Variants in BCL2L11 observed in about 807,000 individuals in gnomAD.
BCL2L11 encodes BCL2 like 11, also known as bcl-2-like protein 11.
A neutral mutation model predicts 20.6 loss-of-function variants in BCL2L11; 15 were observed. The observed-to-expected ratio is 0.73, with a 90% CI of 0.49 to 1.12. The LOEUF (loss-of-function observed/expected upper bound fraction) is 1.12. Ranked by LOEUF, BCL2L11 falls within the 50% of genes most tolerant of loss-of-function variation. The pLI, the probability that BCL2L11 is intolerant of heterozygous loss-of-function variation, is 0.00. For missense variants in BCL2L11, 292 were observed against 260.9 expected (o/e 1.12, Z -0.82); for synonymous variants, 108 against 92.8 (o/e 1.16, Z -0.94).
rs1326079391 is a variant in BCL2L11, at chr2:111,164,116, T to C, written c.499-17T>C. ...AAATTAGGGAGAAACTAAGAAGCTTTCCTTTTGTTGTTTCAGGTATTTTTG... is the reference window on the plus strand; with the variant it reads ...AAATTAGGGAGAAACTAAGAAGCTTCCCTTTTGTTGTTTCAGGTATTTTTG... On this transcript the variant is annotated splice_polypyrimidine_tract_variant and intron_variant, in intron 3 of 3. Transcript: ENST00000393256. 1 of 1,498,752 alleles carries C rather than the reference T, an allele frequency of 6.7e-7. No homozygotes were observed. The highest frequency in any genetic ancestry group is 9.3e-7 in the Non-Finnish European group (1 of 1,075,544). The allele number at this position is 1,498,752 out of a possible 1,614,324, so 92.8% of individuals were successfully genotyped here. A position where few individuals can be genotyped will look rare whatever the true frequency, so the allele number is the denominator to read the frequency against.
intron 1 of BCL2L11, chr2:111,122,701 C>T (rs1329150409): frequency 3.1e-6 from 3 of 981,672 alleles, no homozygotes; most frequent in Non-Finnish European, 3.6e-6. Context: ...AGAGGCGCGG[C>T]GTGCGGAGCC....
chr2:111,123,642 A>C, intron 1 of BCL2L11, 91 bp from the exon 2 acceptor site: 5 of 1,268,680 alleles, frequency 3.9e-6, no homozygotes, highest in Non-Finnish European at 5.1e-6. Context: ...ATTAACCCTA[A>C]GAATTTTTAA....
intron 3 of BCL2L11, among the ~76,000 whole-genome samples, chr2:111,157,635 C>T (rs1283229599): frequency 6.6e-6 from 1 of 152,176 alleles, no homozygotes; most frequent in Non-Finnish European, 1.5e-5. Context: ...AGAGACCTAC[C>T]AAGTGGAGGG....
At chr2:111,123,478 A>ATG in intron 1 of BCL2L11, 4 of 985,420 alleles carry the variant, frequency 4.1e-6, no homozygotes, top group Non-Finnish European at 3.6e-6. Context: ...CTGGAAACGC[A>ATG]TGTGTGTGTG....
At chr2:111,130,524 C>T (rs1298738809) in intron 2 of BCL2L11, among the ~76,000 whole-genome samples, 2 of 152,130 alleles carry the variant, frequency 1.3e-5, no homozygotes, top group Non-Finnish European at 2.9e-5. Flanking sequence ...CATAGATTTC[C>T]TGGGAGGTCT....
chr2:111,122,533 C>G, intron 1 of BCL2L11: 1 of 885,970 alleles, frequency 1.1e-6, no homozygotes, highest in Non-Finnish European at 1.4e-6. Flanking sequence ...GGCTGCGGCG[C>G]GGAGCGACCG....
intron 3 of BCL2L11, 131 bp downstream of exon 3, chr2:111,150,278 C>G: frequency 6.7e-7 from 1 of 1,488,604 alleles, no homozygotes; most frequent in Non-Finnish European, 9.0e-7. Context: ...TAGTTGTGAC[C>G]TTTCATTGTT....
At chr2:111,133,348 G>A (rs1410341802) in intron 2 of BCL2L11, among the ~76,000 whole-genome samples, 25 of 152,190 alleles carry the variant, frequency 1.6e-4, no homozygotes, top group Admixed American at 1.6e-3. Context: ...CTTTTCTAAT[G>A]TACGCATTTA....
intron 2 of BCL2L11, chr2:111,132,367 G>C (rs1296896067): frequency 6.6e-6 from 1 of 152,184 alleles, no homozygotes; most frequent in African/African-American, 2.4e-5. Flanking sequence ...TTGTAGCTAG[G>C]AAGTAATTCA....
rs1415245876 is a variant in BCL2L11 at position 111,167,180 on chromosome 2, A to G, written c.*2949A>G. On this transcript the variant is annotated 3_prime_UTR_variant, in exon 4 of 4. Transcript: ENST00000393256. Reference sequence around the variant, plus strand: ...CACTCCCCTGCCGTCCCATGAAGTTAACTCCTGAGAGTTGTCGGGGGTGAC... The same window carrying G: ...CACTCCCCTGCCGTCCCATGAAGTTGACTCCTGAGAGTTGTCGGGGGTGAC... The G allele has an allele frequency of 1.3e-5, 2 of 151,976 alleles. No homozygotes were observed. The highest frequency in any genetic ancestry group is 2.9e-5 in the Non-Finnish European group (2 of 68,046). 9.4% of individuals were successfully genotyped at this position (151,976 alleles called of 1,614,324 possible). A position where few individuals can be genotyped will look rare whatever the true frequency, so the allele number is the denominator to read the frequency against.
chr2:111,147,463 A>G (rs555153566), intron 2 of BCL2L11, among the ~76,000 whole-genome samples: 3 of 152,004 alleles, frequency 2.0e-5, no homozygotes, highest in South Asian at 2.1e-4. Flanking sequence ...ATTAATGTTA[A>G]CTACTGAACT....
intron 2 of BCL2L11, among the ~76,000 whole-genome samples, chr2:111,133,751 A>G (rs1344513163): frequency 6.6e-6 from 1 of 151,972 alleles, no homozygotes; most frequent in Non-Finnish European, 1.5e-5. Context: ...TTACTGGTTG[A>G]TTGTGTTGTT....
intron 1 of BCL2L11, among the ~76,000 whole-genome samples, chr2:111,121,841 C>G (rs1398872269): frequency 3.3e-5 from 5 of 152,208 alleles, no homozygotes; most frequent in East Asian, 1.9e-4. Context: ...AGCGAGAAAT[C>G]TAGGTCCTCC....
intron 2 of BCL2L11, among the ~76,000 whole-genome samples, chr2:111,126,082 C>T (rs1224447012): frequency 6.6e-6 from 1 of 152,124 alleles, no homozygotes; most frequent in Non-Finnish European, 1.5e-5. Flanking sequence ...TTTTCTCTAA[C>T]CAGTTCCCTT....
At chr2:111,157,968 C>T (rs183001991) in intron 3 of BCL2L11, among the ~76,000 whole-genome samples, 9 of 152,178 alleles carry the variant, frequency 5.9e-5, no homozygotes, top group Admixed American at 3.9e-4. Context: ...CAAAGTGCAG[C>T]AGGCACAAGC....
Position 111,167,143 on chromosome 2 carries a change from ATCC to A in BCL2L11, c.*2913_*2915del, listed in dbSNP as rs1160629320. 5 of 152,594 alleles carry A rather than the reference ATCC, an allele frequency of 3.3e-5. No individual in the cohort carries two copies. Among genetic ancestry groups the A allele is most frequent in the Non-Finnish European group, 7.3e-5 (5 of 68,044 alleles). The allele number at this position is 152,594 out of a possible 1,614,324, so 9.5% of individuals were successfully genotyped here. On this transcript the variant is annotated 3_prime_UTR_variant, in exon 4 of 4. Transcript: ENST00000393256. ...GTCTTAATTTCTGAAAAGTATTAAC[ATCC>A]CTGTCTCCCACTCCCCTGCCGTCCC...
At chr2:111,125,755 T>C (rs6754466) in intron 2 of BCL2L11, among the ~76,000 whole-genome samples, 2,980 of 152,250 alleles carry the variant, frequency 0.02, 85 homozygotes, top group African/African-American at 0.067. Flanking sequence ...TGCACGTCTC[T>C]TGCCAAATGC....
intron 3 of BCL2L11, among the ~76,000 whole-genome samples, chr2:111,155,424 G>C (rs2077706032): frequency 6.6e-6 from 1 of 150,920 alleles, no homozygotes; most frequent in South Asian, 2.1e-4. Context: ...TGTAGATGTG[G>C]GCCGGAGGTA....
chr2:111,122,802 T>C (rs2071417240), intron 1 of BCL2L11: 1 of 985,236 alleles, frequency 1.0e-6, no homozygotes, highest in African/African-American at 1.7e-5. Context: ...TCCCGGGCTT[T>C]GTCTCCTGCG....
Sources: gnomAD v4.1 joint callset for allele counts (sites outside exome capture counted in the v4.1 genomes callset) on GRCh38, gnomAD v4.1.1 for gene constraint, MANE v1.5 for transcripts, NCBI Gene and HGNC (gene_info 2026-07-23, HGNC 2026-07-21) for gene names.